The following PTPA variants were observed in gnomAD, a reference collection of about 807,000 sequenced individuals.
PTPA encodes serine/threonine-protein phosphatase 2A activator.
In PTPA, 13 loss-of-function variants were observed where a neutral mutation model predicts 43.6. That is an observed-to-expected ratio of 0.30 (90% CI 0.19 to 0.47). PTPA has a LOEUF of 0.47. Among genes scored for constraint, PTPA ranks in the 20% least tolerant of loss-of-function variants. The pLI, the probability that PTPA is intolerant of heterozygous loss-of-function variation, is 0.99. For missense variants in PTPA, 329 were observed against 411.9 expected (o/e 0.80, Z 1.74); for synonymous variants, 172 against 158.2 (o/e 1.09, Z -0.66).
At chr9:129,117,784 C>T (rs1848977451) in intron 1 of PTPA, among the ~76,000 whole-genome samples, 1 of 151,278 alleles carries the variant, frequency 6.6e-6, no homozygotes, top group Non-Finnish European at 1.5e-5. Flanking sequence ...GCAAGCTCTG[C>T]CTCCCCAGTT....
chr9:129,111,764 G>A, intron 1 of PTPA, 133 bp downstream of exon 1: 4 of 1,235,106 alleles, frequency 3.2e-6, no homozygotes, highest in East Asian at 3.2e-5. Context: ...CCCGAGGAGG[G>A]ACTGAGTTGA....
chr9:129,121,937 G>A (rs1054783156), intron 2 of PTPA, among the ~76,000 whole-genome samples: 2 of 152,198 alleles, frequency 1.3e-5, no homozygotes, highest in African/African-American at 4.8e-5. Context: ...CTTGGTATAG[G>A]AATACTTCCT....
At chr9:129,115,931 C>T (rs567528952) in intron 1 of PTPA, among the ~76,000 whole-genome samples, 1 of 152,176 alleles carries the variant, frequency 6.6e-6, no homozygotes, top group Non-Finnish European at 1.5e-5. Context: ...GCCTGAGCCA[C>T]CGCGCCTGGC....
At position 129,147,432 on chromosome 9, in the gene PTPA, C is replaced by G. The variant is rs140244152; in HGVS notation, c.940C>G (p.Leu314Val). Residue 314 changes from leucine to valine, a missense_variant, in exon 10 of 10, where the codon CTG (leucine) becomes GTG (valine). Leu to Val is a conservative substitution (Grantham distance 32). Coordinates refer to ENST00000393370, the MANE Select transcript of PTPA (RefSeq NM_178000.3). Reference sequence around the variant, plus strand: ...GATCCAGCACTTCAAGTTCGGGAGCCTGCTGCCCATCCATCCTGTCACGTC... The same window carrying G: ...GATCCAGCACTTCAAGTTCGGGAGCGTGCTGCCCATCCATCCTGTCACGTC... The part of the protein sequence containing the change: ...PVIQHFKFGS[L>V]LPIHPVTSG 1.3e-4 allele frequency: 207 copies of G among 1,614,058 alleles called. 1 individual carries two copies. The African/African-American group carries it at 2.4e-3, about 18-fold the overall frequency.
In PTPA at chr9:129,147,668, C is replaced by A; in HGVS notation, c.*204C>A. Reference sequence around the variant, plus strand: ...GTTGGGAGAAGTGACCAAAGTGTAGCCAGTTTTCTGAGTTCCCGTGTGCTA... The same window carrying A: ...GTTGGGAGAAGTGACCAAAGTGTAGACAGTTTTCTGAGTTCCCGTGTGCTA... On this transcript the variant is annotated 3_prime_UTR_variant, in exon 10 of 10. Transcript: ENST00000393370. The A allele has an allele frequency of 1.7e-6, 1 of 579,360 alleles. No individual in the cohort carries two copies. Among genetic ancestry groups the A allele is most frequent in the South Asian group, 2.0e-5 (1 of 50,938 alleles). 35.9% of individuals were successfully genotyped at this position (579,360 alleles called of 1,614,324 possible).
chr9:129,144,049 G>A (rs1229683318), intron 9 of PTPA, among the ~76,000 whole-genome samples: 2 of 151,542 alleles, frequency 1.3e-5, no homozygotes, highest in South Asian at 2.1e-4. Context: ...TTCTCTACAA[G>A]CCTCTTAATT....
chr9:129,111,785 G>A, intron 1 of PTPA, 154 bp downstream of exon 1: 5 of 1,234,180 alleles, frequency 4.1e-6, no homozygotes, highest in Non-Finnish European at 5.1e-6. Context: ...ATGGCCTTAG[G>A]GGAGAGGTGG....
chr9:129,127,089 C>T (rs888027025), intron 3 of PTPA, among the ~76,000 whole-genome samples: 12 of 152,258 alleles, frequency 7.9e-5, no homozygotes, highest in Middle Eastern at 6.8e-3. Flanking sequence ...GCTCTGGCAG[C>T]GCTCTCACAT....
chr9:129,111,408 G>A (rs1848470533), upstream of PTPA: 12 of 1,244,648 alleles, frequency 9.6e-6, no homozygotes, highest in South Asian at 4.1e-5. Flanking sequence ...CTCCCTGAGC[G>A]CCCCGCACCG....
chr9:129,117,526 C>T (rs764143863), intron 1 of PTPA, among the ~76,000 whole-genome samples: 3 of 151,954 alleles, frequency 2.0e-5, no homozygotes, highest in East Asian at 1.9e-4. Context: ...GCCTCAGCCT[C>T]CCGAGTAGCT....
intron 8 of PTPA, chr9:129,141,644 G>T (rs6478867): frequency 0.7 from 105,792 of 152,142 alleles, 36,894 homozygotes; most frequent in Non-Finnish European, 0.7. Context: ...TTTCTCTTCC[G>T]TCCTGGAGGG....
intron 1 of PTPA, among the ~76,000 whole-genome samples, chr9:129,117,484 A>G (rs1848954836): frequency 1.3e-5 from 2 of 150,316 alleles, no homozygotes; most frequent in African/African-American, 2.5e-5. Context: ...GCTCACTGCA[A>G]CCTCTGCCTC....
upstream of PTPA, chr9:129,111,355 C>G (rs56251389): frequency 1.2e-3 from 1,496 of 1,207,456 alleles, 1 homozygote; most frequent in Non-Finnish European, 1.4e-3. Context: ...TGGCCGTCGC[C>G]CGGTTCCGCG....
chr9:129,141,393 C>T (rs550727166), intron 8 of PTPA, among the ~76,000 whole-genome samples: 2 of 152,314 alleles, frequency 1.3e-5, no homozygotes, highest in East Asian at 3.9e-4. Flanking sequence ...GTCTCTGTTT[C>T]TTTGCCAGAT....
rs1851391016 is a variant in PTPA, at chr9:129,147,631, T to C, written c.*167T>C. ...CTTGAGGGGGCTCAGAGCATAAGGC[T>C]TCAGGGCCCAAGTTGGGAGAAGTGA... On this transcript the variant is annotated 3_prime_UTR_variant, in exon 10 of 10. Coordinates refer to ENST00000393370, the MANE Select transcript of PTPA (RefSeq NM_178000.3). The C allele has an allele frequency of 2.8e-6, 2 of 711,246 alleles. No homozygotes were observed. Among genetic ancestry groups the C allele is most frequent in the Non-Finnish European group, 4.6e-6 (2 of 436,616 alleles). 44.1% of individuals were successfully genotyped at this position (711,246 alleles called of 1,614,324 possible). A position where few individuals can be genotyped will look rare whatever the true frequency, so the allele number is the denominator to read the frequency against.
chr9:129,129,839 A>G (rs377658285), intron 4 of PTPA, among the ~76,000 whole-genome samples: 6 of 152,162 alleles, frequency 3.9e-5, no homozygotes, highest in African/African-American at 1.2e-4. Context: ...GGGGAGGTTA[A>G]GGCGGGAGGA....
rs1159515872 is a variant in PTPA at position 129,144,596 on chromosome 9, G to A, written c.894+2044G>A. Among the ~76,000 whole-genome samples the A allele has an allele frequency of 4.0e-5, 6 of 151,866 alleles. No homozygotes were observed. The East Asian group carries it at 5.8e-4, about 15-fold the overall frequency. On this transcript the variant is annotated intron_variant, in intron 9 of 9. Coordinates refer to ENST00000393370, the MANE Select transcript of PTPA (RefSeq NM_178000.3). ...TACTAAAAATATAAAAAAATTAGCC[G>A]GGCGTGGTGGCGGGTGCCTGTAGTC... is the stretch of plus-strand genomic sequence containing the variant.
At chr9:129,115,518 G>A (rs903871535) in intron 1 of PTPA, among the ~76,000 whole-genome samples, 5 of 152,146 alleles carry the variant, frequency 3.3e-5, no homozygotes, top group Admixed American at 2.6e-4. Flanking sequence ...TTAGGTCCCT[G>A]TCCCTTTTTC....
chr9:129,117,326 C>T (rs763474301), intron 1 of PTPA, among the ~76,000 whole-genome samples: 2 of 151,328 alleles, frequency 1.3e-5, no homozygotes, highest in South Asian at 2.1e-4. Flanking sequence ...GGATTATAGG[C>T]GGGAGGCACT....
Sources: allele counts gnomAD v4.1 joint callset (sites outside exome capture counted in the v4.1 genomes callset), GRCh38; gene constraint gnomAD v4.1.1; transcripts MANE v1.5; gene names NCBI Gene and HGNC (gene_info 2026-07-23, HGNC 2026-07-21).